The following ITGA9 variants were observed in gnomAD, a reference collection of about 807,000 sequenced individuals.
ITGA9 encodes integrin alpha-9.
Under a neutral mutation model 127.8 loss-of-function variants are expected in ITGA9, and 56 were observed. The observed-to-expected ratio is 0.44, with a 90% CI of 0.35 to 0.55. ITGA9 has a LOEUF of 0.55. ITGA9 is among the 20% of genes least tolerant of loss of function. The pLI, the probability that ITGA9 is intolerant of heterozygous loss-of-function variation, is 0.00. For missense variants in ITGA9, 1,196 were observed against 1,347.1 expected, an observed-to-expected ratio of 0.89 and a Z score of 1.76; for synonymous variants, 508 against 514.5, an observed-to-expected ratio of 0.99 and a Z score of 0.17.
chr3:37,471,475 G>C (rs1339041362), intron 2 of ITGA9, among the ~76,000 whole-genome samples: 3 of 152,192 alleles, frequency 2.0e-5, no homozygotes, highest in African/African-American at 7.2e-5. Flanking sequence ...CTTTCGACAT[G>C]ATTAGAAGGA....
intron 15 of ITGA9, among the ~76,000 whole-genome samples, chr3:37,555,314 C>G (rs7640747): frequency 0.35 from 53,297 of 152,128 alleles, 9,753 homozygotes; most frequent in Middle Eastern, 0.62. Context: ...GTTTTGCTCT[C>G]CAGCAGAACT....
rs115636232 is a variant in ITGA9 at position 37,638,445 on chromosome 3, T to C, written c.1839+9109T>C. ...TCTTTCTTATTGTCCTTTTCCTGAT[T>C]ATGGGGAAAAAAAAAAAAAAAAAAA... On this transcript the variant is annotated intron_variant, in intron 16 of 27. Coordinates refer to ENST00000264741, the MANE Select transcript of ITGA9 (RefSeq NM_002207.3). Among the ~76,000 whole-genome samples the C allele has an allele frequency of 3.6e-3, 463 of 129,864 alleles. 6 individuals carry two copies. The highest frequency in any genetic ancestry group is 0.014 in the African/African-American group (441 of 30,488). 85.2% of individuals were successfully genotyped at this position (129,864 alleles called of 152,430 possible). A position where few individuals can be genotyped will look rare whatever the true frequency, so the allele number is the denominator to read the frequency against.
At chr3:37,686,685 C>T (rs1001147749) in intron 18 of ITGA9, among the ~76,000 whole-genome samples, 6 of 151,994 alleles carry the variant, frequency 3.9e-5, no homozygotes, top group Admixed American at 3.9e-4. Flanking sequence ...CTCTTCGGGA[C>T]GTGGTGAGTG....
At chr3:37,739,209 A>T (rs1696402628) in intron 20 of ITGA9, among the ~76,000 whole-genome samples, 1 of 152,234 alleles carries the variant, frequency 6.6e-6, no homozygotes, top group Admixed American at 6.5e-5. Flanking sequence ...ACAGTAACCT[A>T]CTAAATTCAA....
At chr3:37,496,626 G>A (rs77418275) in intron 5 of ITGA9, among the ~76,000 whole-genome samples, 2,095 of 152,244 alleles carry the variant, frequency 0.014, 45 homozygotes, top group African/African-American at 0.047. Context: ...TTTACAAACA[G>A]GAAAAATATC....
At chr3:37,661,378 C>A (rs146022678) in intron 17 of ITGA9, among the ~76,000 whole-genome samples, 1 of 152,124 alleles carries the variant, frequency 6.6e-6, no homozygotes, top group Admixed American at 6.6e-5. Flanking sequence ...GCCTTTTGGC[C>A]GAATCCTCCA....
At chr3:37,701,361 G>A (rs959267343) in intron 18 of ITGA9, among the ~76,000 whole-genome samples, 2 of 152,198 alleles carry the variant, frequency 1.3e-5, no homozygotes, top group African/African-American at 4.8e-5. Context: ...TGTTTGGGAG[G>A]TGAAGATAGG....
At chr3:37,631,528 A>G (rs534707213) in intron 16 of ITGA9, among the ~76,000 whole-genome samples, 2 of 152,346 alleles carry the variant, frequency 1.3e-5, no homozygotes, top group South Asian at 4.1e-4. Context: ...ATAAATGAGT[A>G]GATCGGAACA....
chr3:37,609,796 C>G (rs1359962701), intron 15 of ITGA9, among the ~76,000 whole-genome samples: 2 of 152,180 alleles, frequency 1.3e-5, no homozygotes, highest in African/African-American at 2.4e-5. Flanking sequence ...CATTCACATG[C>G]CTGTCACCTT....
At chr3:37,463,050 G>T (rs963980720) in intron 1 of ITGA9, among the ~76,000 whole-genome samples, 2 of 151,964 alleles carry the variant, frequency 1.3e-5, no homozygotes, top group Admixed American at 6.5e-5. Context: ...AAAGTCTGTG[G>T]TCCTGGTTGG....
rs1180683331 is a variant in ITGA9 at position 37,505,979 on chromosome 3, GT to G, written c.743-18del. The G allele has an allele frequency of 2.6e-6, 4 of 1,567,130 alleles. No individual in the cohort carries two copies. The highest frequency in any genetic ancestry group is 3.5e-6 in the Non-Finnish European group (4 of 1,146,544). ...CCCTTCTTTTTCAACCGTGTGCTTG[GT>G]TTCCGCCCATCCTGTTCAGGCTACG... On this transcript the variant is annotated intron_variant, in intron 6 of 27. Transcript: ENST00000264741.
intron 4 of ITGA9, among the ~76,000 whole-genome samples, chr3:37,493,301 T>C (rs1698691449): frequency 3.3e-5 from 5 of 152,210 alleles, no homozygotes; most frequent in Admixed American, 3.3e-4. Context: ...CATAGTTTCA[T>C]TGTTCCTTTG....
At chr3:37,492,285 A>G (rs1167614229) in intron 4 of ITGA9, among the ~76,000 whole-genome samples, 1 of 152,220 alleles carries the variant, frequency 6.6e-6, no homozygotes, top group Non-Finnish European at 1.5e-5. Flanking sequence ...TTTCAGAAAC[A>G]TGAAAGTCAG....
At chr3:37,582,233 A>G (rs760911386) in intron 15 of ITGA9, among the ~76,000 whole-genome samples, 1 of 152,260 alleles carries the variant, frequency 6.6e-6, no homozygotes, top group Non-Finnish European at 1.5e-5. Flanking sequence ...TCTCTAAAGC[A>G]TATTTCAAGA....
chr3:37,513,953 C>A (rs1698959827), intron 9 of ITGA9, 53 bp downstream of exon 9: 1 of 1,609,484 alleles, frequency 6.2e-7, no homozygotes, highest in Non-Finnish European at 8.5e-7. Flanking sequence ...GGACATTTGT[C>A]CAGCCAGCAG....
intron 17 of ITGA9, among the ~76,000 whole-genome samples, chr3:37,677,486 G>A (rs185871463): frequency 1.3e-5 from 2 of 152,304 alleles, no homozygotes; most frequent in Admixed American, 1.3e-4. Context: ...GTAAAGAGAT[G>A]ACACCTTATG....
intron 6 of ITGA9, among the ~76,000 whole-genome samples, chr3:37,504,845 C>T (rs1239974725): frequency 5.3e-5 from 8 of 152,204 alleles, no homozygotes; most frequent in Middle Eastern, 3.4e-3. Context: ...GATGTCATCG[C>T]GAAACTCAAA....
chr3:37,458,168 T>A (rs1698280699), intron 1 of ITGA9, among the ~76,000 whole-genome samples: 1 of 152,198 alleles, frequency 6.6e-6, no homozygotes, highest in South Asian at 2.1e-4. Flanking sequence ...AGTTGAGTCT[T>A]TGTAACATCC....
intron 4 of ITGA9, among the ~76,000 whole-genome samples, 191 bp from the exon 5 acceptor site, chr3:37,494,310 C>A (rs1698703792): frequency 6.6e-6 from 1 of 152,166 alleles, no homozygotes; most frequent in Non-Finnish European, 1.5e-5. Flanking sequence ...CCCGATGGCA[C>A]CAGAGCCTGG....
Sources: gnomAD v4.1 joint callset for allele counts (sites outside exome capture counted in the v4.1 genomes callset) on GRCh38, gnomAD v4.1.1 for gene constraint, MANE v1.5 for transcripts, NCBI Gene and HGNC (gene_info 2026-07-23, HGNC 2026-07-21) for gene names.